KPNA6: variants seen among roughly 807,000 people sequenced by gnomAD.
The protein encoded by KPNA6 is karyopherin subunit alpha 6.
In KPNA6, 9 loss-of-function variants were observed where a neutral mutation model predicts 72.0. The observed-to-expected ratio is 0.13, with a 90% CI of 0.08 to 0.22. The LOEUF (loss-of-function observed/expected upper bound fraction) is 0.22. Ranked by LOEUF, KPNA6 falls within the 10% of genes least tolerant of loss-of-function variation. The pLI is 1.00. For synonymous variants in KPNA6, 219 were observed against 242.1 expected (o/e 0.90, Z 0.89); for missense variants, 374 against 655.7 (o/e 0.57, Z 4.69).
At chr1:32,128,999 A>G (rs1395236642) in intron 1 of KPNA6, among the ~76,000 whole-genome samples, 1 of 152,136 alleles carries the variant, frequency 6.6e-6, no homozygotes, top group Non-Finnish European at 1.5e-5. Context: ...AAGTAGCAAG[A>G]CTAAGAATTA....
chr1:32,141,881 C>T (rs558875589), intron 1 of KPNA6, among the ~76,000 whole-genome samples: 30 of 152,012 alleles, frequency 2.0e-4, no homozygotes, highest in Admixed American at 7.2e-4. Flanking sequence ...TATTAGTTTG[C>T]GAGGGCCACC....
intron 1 of KPNA6, among the ~76,000 whole-genome samples, chr1:32,129,363 G>A (rs182960729): frequency 2.1e-4 from 32 of 151,668 alleles, no homozygotes; most frequent in African/African-American, 7.0e-4. Context: ...GTGGGGTTTC[G>A]CCATGTTGCC....
In KPNA6 at chr1:32,156,927, T is replaced by C. The variant is rs1311501063; in HGVS notation, c.213T>C (p.Tyr71=). 5.0e-6 allele frequency: 8 copies of C among 1,613,844 alleles called. No individual in the cohort carries two copies. The highest frequency in any genetic ancestry group is 2.7e-5 in the African/African-American group (2 of 75,048). The part of the protein sequence containing the change: ...AMFDSLLMDS[Y]VSSTTGESVI... ...TCGATAGTCTTCTCATGGACTCTTA[T>C]GTGAGCTCTACCACTGGGGTAAGGC... Residue 71 remains tyrosine, a synonymous_variant, in exon 3 of 14, where the codon TAT becomes TAC. Coordinates refer to ENST00000373625, the MANE Select transcript of KPNA6 (RefSeq NM_012316.5).
At chr1:32,139,936 A>G (rs1210408547) in intron 1 of KPNA6, among the ~76,000 whole-genome samples, 1 of 152,200 alleles carries the variant, frequency 6.6e-6, no homozygotes, top group African/African-American at 2.4e-5. Context: ...TCCATGATAA[A>G]ATGTTAAAAT....
At chr1:32,141,981 A>G (rs1641846246) in intron 1 of KPNA6, among the ~76,000 whole-genome samples, 1 of 152,146 alleles carries the variant, frequency 6.6e-6, no homozygotes. Flanking sequence ...TCAAGTTGTC[A>G]GAAGAGGTCA....
chr1:32,160,842 AAGAT>A (rs1410868089), intron 7 of KPNA6, 139 bp downstream of exon 7: 8 of 650,422 alleles, frequency 1.2e-5, no homozygotes, highest in African/African-American at 3.6e-5. Context: ...GCCAAAGTAA[AAGAT>A]AGGTATCTTT....
intron 1 of KPNA6, among the ~76,000 whole-genome samples, chr1:32,109,174 T>TTTG (rs915374317): frequency 2.0e-5 from 3 of 152,052 alleles, no homozygotes; most frequent in Non-Finnish European, 2.9e-5. Flanking sequence ...GTAACTGCTG[T>TTTG]TTGTTGTTGT....
chr1:32,162,092 A>C lies in KPNA6; in HGVS notation c.747+46A>C, dbSNP rs141411307. On this transcript the variant is annotated intron_variant, in intron 8 of 13. Transcript: ENST00000373625. Reference sequence around the variant, plus strand: ...ACCCTGAGTGACATCAGGTTCCTTCATATGGAGTTTTTAAGTCTTTGGGAT... The same window carrying C: ...ACCCTGAGTGACATCAGGTTCCTTCCTATGGAGTTTTTAAGTCTTTGGGAT... 2.0e-6 allele frequency: 3 copies of C among 1,473,900 alleles called. No individual in the cohort carries two copies. In the South Asian group the frequency reaches 3.5e-5, roughly 17 times the overall value. The allele number at this position is 1,473,900 out of a possible 1,614,324, so 91.3% of individuals were successfully genotyped here.
At chr1:32,136,269 C>T (rs1316893725) in intron 1 of KPNA6, among the ~76,000 whole-genome samples, 2 of 149,800 alleles carry the variant, frequency 1.3e-5, no homozygotes, top group Non-Finnish European at 2.9e-5. Flanking sequence ...CTCCTGGGTT[C>T]AAGTGATTCT....
At chr1:32,135,777 TG>T (rs1641724044) in intron 1 of KPNA6, among the ~76,000 whole-genome samples, 1 of 151,374 alleles carries the variant, frequency 6.6e-6, no homozygotes, top group South Asian at 2.1e-4. Context: ...CATAGAGTTA[TG>T]GGGTTTTTTT....
chr1:32,157,650 C>T (rs1370591412), intron 4 of KPNA6, among the ~76,000 whole-genome samples: 2 of 152,302 alleles, frequency 1.3e-5, no homozygotes, highest in East Asian at 3.9e-4. Context: ...ATCTTTGTAG[C>T]AACTCCCTTA....
intron 7 of KPNA6, among the ~76,000 whole-genome samples, chr1:32,161,040 C>T (rs1642228799): frequency 6.6e-6 from 1 of 151,994 alleles, no homozygotes; most frequent in Non-Finnish European, 1.5e-5. Flanking sequence ...CCTGTAGACT[C>T]AGCTACTTGG....
At chr1:32,170,208 C>T in intron 13 of KPNA6, 148 bp downstream of exon 13, 1 of 675,428 alleles carries the variant, frequency 1.5e-6, no homozygotes, top group Non-Finnish European at 2.4e-6. Flanking sequence ...CAGTTAAGAG[C>T]TCCTGCCCTA....
chr1:32,157,058 T>C (rs1642158756), intron 3 of KPNA6, 113 bp downstream of exon 3: 5 of 740,214 alleles, frequency 6.8e-6, no homozygotes, highest in Non-Finnish European at 6.9e-6. Flanking sequence ...ACAAGTTCTT[T>C]CCTCTGTGGA....
At chr1:32,170,658 C>A (rs1244044946) in intron 13 of KPNA6, 49 bp from the exon 14 acceptor site, 1 of 1,506,986 alleles carries the variant, frequency 6.6e-7, no homozygotes, top group Middle Eastern at 1.7e-4. Context: ...TTTCACCTGC[C>A]CATAGAAAAG....
Position 32,170,723 on chromosome 1 carries a change from GTTTC to G in KPNA6, c.1442_1445del (p.Phe481SerfsTer23). 1 of 1,613,950 alleles carries G rather than the reference GTTTC, an allele frequency of 6.2e-7. No individual in the cohort carries two copies. The highest frequency in any genetic ancestry group is 8.5e-7 in the Non-Finnish European group (1 of 1,179,882). ...CTACTGTAGGCTTGGATAAAATTGA[GTTTC>G]TCCAGAGCCACGAGAACCAGGAGAT... On this transcript the variant is annotated frameshift_variant, in exon 14 of 14. Transcript: ENST00000373625. LOFTEE classifies it high-confidence loss of function.
rs1214127253 is a variant in KPNA6, at chr1:32,166,006, AAAC to A, written c.991-96_991-94del. ...GAGCGAGACTCTGTCTCAAAAAAAA[AAAC>A]AAAAACAACAACAACAACAACAACA... On this transcript the variant is annotated intron_variant, in intron 10 of 13. Transcript: ENST00000373625. The A allele has an allele frequency of 5.1e-4, 673 of 1,325,448 alleles. 2 individuals carry two copies. The South Asian group carries it at 6.7e-3, about 13-fold the overall frequency. The allele number at this position is 1,325,448 out of a possible 1,614,324, so 82.1% of individuals were successfully genotyped here. A position where few individuals can be genotyped will look rare whatever the true frequency, so the allele number is the denominator to read the frequency against.
chr1:32,128,028 G>A (rs185880014), intron 1 of KPNA6, among the ~76,000 whole-genome samples: 2 of 152,114 alleles, frequency 1.3e-5, no homozygotes, highest in East Asian at 1.9e-4. Flanking sequence ...GAATATTTTT[G>A]TGCTGGCTTA....
chr1:32,123,594 A>G (rs898772002), intron 1 of KPNA6, among the ~76,000 whole-genome samples: 4 of 151,682 alleles, frequency 2.6e-5, no homozygotes, highest in Non-Finnish European at 5.9e-5. Context: ...TAAAAAATTA[A>G]CTGGGTGTGG....
Sources: allele counts gnomAD v4.1 joint callset (sites outside exome capture counted in the v4.1 genomes callset), GRCh38; gene constraint gnomAD v4.1.1; transcripts MANE v1.5; gene names NCBI Gene and HGNC (gene_info 2026-07-23, HGNC 2026-07-21).